NKAIN2: variants seen among roughly 807,000 people sequenced by gnomAD.
The protein encoded by NKAIN2 is sodium/potassium-transporting ATPase subunit beta-1-interacting protein 2.
Under a neutral mutation model 32.6 loss-of-function variants are expected in NKAIN2, and 14 were observed. The observed-to-expected ratio is 0.43, with a 90% CI of 0.28 to 0.67. The LOEUF (loss-of-function observed/expected upper bound fraction) is 0.67, where lower values mean the gene tolerates loss of function less well. Ranked by LOEUF, NKAIN2 falls within the 30% of genes least tolerant of loss-of-function variation. The pLI is 0.17. For synonymous variants in NKAIN2, 80 were observed against 87.2 expected (o/e 0.92, Z 0.46); for missense variants, 198 against 258.3 (o/e 0.77, Z 1.60).
rs772415964 is a variant in NKAIN2, at chr6:124,157,250, G to GACACACACAC, written c.55-125747_55-125738dup. On this transcript the variant is annotated intron_variant, in intron 1 of 6. Transcript: ENST00000368417. ...ACACGGTGGGAGGTGTGTCATAATG[G>GACACACACAC]ACACACACACACACACATACACACA... Among the ~76,000 whole-genome samples, 23 of 109,926 alleles carry GACACACACAC rather than the reference G, an allele frequency of 2.1e-4. No individual in the cohort carries two copies. In the East Asian group the frequency reaches 4.1e-3, roughly 20 times the overall value. The allele number at this position is 109,926 out of a possible 152,430, so 72.1% of individuals were successfully genotyped here. A position where few individuals can be genotyped will look rare whatever the true frequency, so the allele number is the denominator to read the frequency against.
chr6:123,872,728 A>G (rs564131341), intron 1 of NKAIN2, among the ~76,000 whole-genome samples: 12 of 152,352 alleles, frequency 7.9e-5, no homozygotes, highest in African/African-American at 2.6e-4. Flanking sequence ...TCAGGCACTC[A>G]TTGCTCTTAA....
chr6:124,286,479 T>G (rs951481439), intron 2 of NKAIN2, among the ~76,000 whole-genome samples: 3 of 152,018 alleles, frequency 2.0e-5, no homozygotes, highest in Non-Finnish European at 4.4e-5. Context: ...TACAGCAGAG[T>G]TGATTTCACT....
Position 124,658,395 on chromosome 6 carries a change from T to G in NKAIN2, c.474+9T>G. On this transcript the variant is annotated intron_variant, in intron 4 of 6. Transcript: ENST00000368417. ...TCCAGATTGTCCTCGCAGTAAGTGT[T>G]GGCAGCCAACCGCTCCTTCTAGTGC... The G allele has an allele frequency of 6.2e-7, 1 of 1,614,118 alleles. No homozygotes were observed. Among genetic ancestry groups the G allele is most frequent in the Non-Finnish European group, 8.5e-7 (1 of 1,180,014 alleles).
chr6:124,505,264 G>A (rs1479101093), intron 3 of NKAIN2, among the ~76,000 whole-genome samples: 1 of 152,222 alleles, frequency 6.6e-6, no homozygotes, highest in Non-Finnish European at 1.5e-5. Context: ...AGTGAGTGTA[G>A]TGCAGAATAC....
chr6:124,468,298 T>A (rs545541405), intron 3 of NKAIN2, among the ~76,000 whole-genome samples: 6 of 152,170 alleles, frequency 3.9e-5, no homozygotes, highest in Non-Finnish European at 8.8e-5. Flanking sequence ...CGTTAAAATG[T>A]CAATGTCAAC....
At chr6:123,879,022 G>T (rs1773316513) in intron 1 of NKAIN2, among the ~76,000 whole-genome samples, 1 of 152,026 alleles carries the variant, frequency 6.6e-6, no homozygotes, top group Admixed American at 6.5e-5. Flanking sequence ...TTTTTTAGAA[G>T]ACTCTGTTTT....
intron 3 of NKAIN2, among the ~76,000 whole-genome samples, chr6:124,494,170 T>C (rs746589956): frequency 3.3e-5 from 5 of 152,112 alleles, no homozygotes; most frequent in Non-Finnish European, 5.9e-5. Flanking sequence ...GTGTCTTTCT[T>C]CCCTACAAGG....
intron 2 of NKAIN2, among the ~76,000 whole-genome samples, chr6:124,335,266 A>G (rs375060815): frequency 2.8e-4 from 43 of 152,324 alleles, no homozygotes; most frequent in Admixed American, 1.1e-3. Context: ...TACCATACAA[A>G]AGACTCAAAA....
chr6:124,812,717 C>T (rs923628765), intron 5 of NKAIN2, among the ~76,000 whole-genome samples: 1 of 151,570 alleles, frequency 6.6e-6, no homozygotes, highest in Non-Finnish European at 1.5e-5. Context: ...AAGCCAAACA[C>T]CAACTCCCTT....
intron 1 of NKAIN2, among the ~76,000 whole-genome samples, chr6:123,963,752 T>C (rs1777955037): frequency 6.6e-6 from 1 of 152,130 alleles, no homozygotes; most frequent in Non-Finnish European, 1.5e-5. Context: ...AAACAATCCG[T>C]CTGAAGTCCG....
chr6:123,900,313 T>G (rs1420139085), intron 1 of NKAIN2, among the ~76,000 whole-genome samples: 1 of 151,486 alleles, frequency 6.6e-6, no homozygotes, highest in East Asian at 1.9e-4. Flanking sequence ...CTACTAAAAA[T>G]ACAAAAAATA....
At chr6:124,440,867 C>T (rs572157785) in intron 3 of NKAIN2, among the ~76,000 whole-genome samples, 9 of 152,134 alleles carry the variant, frequency 5.9e-5, no homozygotes, top group African/African-American at 2.2e-4. Flanking sequence ...AGACAGGAAG[C>T]AGAAATTCCT....
intron 3 of NKAIN2, among the ~76,000 whole-genome samples, chr6:124,409,862 A>T (rs571266102): frequency 6.6e-6 from 1 of 152,264 alleles, no homozygotes; most frequent in East Asian, 1.9e-4. Context: ...TCATTGCCTC[A>T]ATTTCAGAGC....
intron 3 of NKAIN2, among the ~76,000 whole-genome samples, chr6:124,412,265 T>A (rs1368033162): frequency 2.0e-5 from 3 of 152,038 alleles, no homozygotes; most frequent in Non-Finnish European, 4.4e-5. Context: ...AATTTTAGAG[T>A]TTCTGGTTTT....
intron 1 of NKAIN2, among the ~76,000 whole-genome samples, chr6:124,182,060 A>C (rs1033365714): frequency 1.3e-5 from 2 of 152,338 alleles, no homozygotes; most frequent in South Asian, 4.1e-4. Context: ...CTCACAGGCT[A>C]GGGAGACCTC....
chr6:124,176,638 ATAG>A (rs1209819642), intron 1 of NKAIN2, among the ~76,000 whole-genome samples: 5 of 152,130 alleles, frequency 3.3e-5, no homozygotes, highest in African/African-American at 9.6e-5. Flanking sequence ...TTAAAAATAA[ATAG>A]TAGATTTATA....
intron 2 of NKAIN2, among the ~76,000 whole-genome samples, chr6:124,344,807 A>C (rs995904420): frequency 6.6e-6 from 1 of 152,128 alleles, no homozygotes; most frequent in African/African-American, 2.4e-5. Flanking sequence ...CTCTTTTCCT[A>C]ACTGAATACC....
chr6:123,950,253 TTG>T (rs149468059), intron 1 of NKAIN2, among the ~76,000 whole-genome samples: 19 of 151,618 alleles, frequency 1.3e-4, no homozygotes, highest in Admixed American at 1.3e-4. Flanking sequence ...TAGTTTTAAT[TTG>T]TGTGTGTGTG....
At chr6:124,749,194 G>A (rs919673851) in intron 4 of NKAIN2, among the ~76,000 whole-genome samples, 14 of 151,818 alleles carry the variant, frequency 9.2e-5, no homozygotes, top group African/African-American at 3.4e-4. Flanking sequence ...CCTCCATCCT[G>A]AAATCCAGCA....
Sources: gnomAD v4.1 joint callset for allele counts (sites outside exome capture counted in the v4.1 genomes callset) on GRCh38, gnomAD v4.1.1 for gene constraint, MANE v1.5 for transcripts, NCBI Gene and HGNC (gene_info 2026-07-23, HGNC 2026-07-21) for gene names.